CAMK2D: variants seen among roughly 807,000 people sequenced by gnomAD.
CAMK2D encodes calcium/calmodulin-dependent protein kinase type II subunit delta.
A neutral mutation model predicts 84.0 loss-of-function variants in CAMK2D; 37 were observed. That is an observed-to-expected ratio of 0.44 (90% confidence interval 0.34 to 0.58). The LOEUF (loss-of-function observed/expected upper bound fraction) is 0.58, where lower values mean the gene tolerates loss of function less well. CAMK2D is among the 20% of genes least tolerant of loss of function. CAMK2D has a pLI of 0.02. For missense variants in CAMK2D, 448 were observed against 652.5 expected (o/e 0.69, Z 3.41); for synonymous variants, 202 against 212.5 (o/e 0.95, Z 0.43).
At chr4:113,690,458 G>A (rs1025591177) in intron 2 of CAMK2D, among the ~76,000 whole-genome samples, 3 of 152,172 alleles carry the variant, frequency 2.0e-5, no homozygotes, top group African/African-American at 4.8e-5. Flanking sequence ...GTCCCCCTGA[G>A]CAGATGTGTT....
At chr4:113,625,630 G>A (rs2099064578) in intron 3 of CAMK2D, among the ~76,000 whole-genome samples, 1 of 152,094 alleles carries the variant, frequency 6.6e-6, no homozygotes, top group South Asian at 2.1e-4. Flanking sequence ...AGTGAACAGG[G>A]GAGAAGGCAG....
At chr4:113,523,772 G>T (rs1469206028) in intron 8 of CAMK2D, among the ~76,000 whole-genome samples, 1 of 151,024 alleles carries the variant, frequency 6.6e-6, no homozygotes, top group Non-Finnish European at 1.5e-5. Flanking sequence ...ACCCTGTCTC[G>T]AAATAAATAA....
chr4:113,662,480 A>C (rs886926880), intron 2 of CAMK2D, among the ~76,000 whole-genome samples: 2 of 152,228 alleles, frequency 1.3e-5, no homozygotes, highest in African/African-American at 4.8e-5. Context: ...CAAAACACAA[A>C]ATAAATCATA....
At chr4:113,670,901 C>A (rs949791051) in intron 2 of CAMK2D, among the ~76,000 whole-genome samples, 4 of 151,946 alleles carry the variant, frequency 2.6e-5, no homozygotes, top group African/African-American at 9.7e-5. Flanking sequence ...GCACTCCAGC[C>A]TGGGCAACAG....
At chr4:113,559,761 T>C (rs2098689614) in intron 4 of CAMK2D, among the ~76,000 whole-genome samples, 1 of 152,200 alleles carries the variant, frequency 6.6e-6, no homozygotes, top group African/African-American at 2.4e-5. Flanking sequence ...ATCAGAAAAA[T>C]GAGCATTTAT....
chr4:113,625,930 C>A (rs1192062412), intron 3 of CAMK2D, among the ~76,000 whole-genome samples: 1 of 151,872 alleles, frequency 6.6e-6, no homozygotes, highest in Non-Finnish European at 1.5e-5. Context: ...GGGAGAATCG[C>A]TTGAACCCAG....
At chr4:113,716,085 C>T (rs183681091) in intron 2 of CAMK2D, among the ~76,000 whole-genome samples, 5 of 152,252 alleles carry the variant, frequency 3.3e-5, no homozygotes, top group Admixed American at 2.6e-4. Flanking sequence ...CAGTCATTTG[C>T]TCACAGTAGT....
intron 2 of CAMK2D, among the ~76,000 whole-genome samples, chr4:113,745,034 T>C (rs893264786): frequency 2.6e-5 from 4 of 152,182 alleles, no homozygotes; most frequent in African/African-American, 7.2e-5. Flanking sequence ...GCCACATCTG[T>C]TATTATCTTA....
chr4:113,469,933 G>A (rs1020929976), intron 16 of CAMK2D, among the ~76,000 whole-genome samples: 22 of 152,094 alleles, frequency 1.4e-4, no homozygotes, highest in Non-Finnish European at 1.5e-5. Flanking sequence ...TCCAGGCTCT[G>A]TAACAGCCCT....
chr4:113,653,643 GATCA>G (rs1291416066), intron 3 of CAMK2D, among the ~76,000 whole-genome samples: 1 of 151,968 alleles, frequency 6.6e-6, no homozygotes, highest in African/African-American at 2.4e-5. Context: ...TTTCTCAGTA[GATCA>G]ATTAACATTT....
chr4:113,565,627 G>A (rs796615134), intron 4 of CAMK2D, among the ~76,000 whole-genome samples: 3 of 150,656 alleles, frequency 2.0e-5, no homozygotes, highest in African/African-American at 7.3e-5. Context: ...CTCCAGCCTG[G>A]GAGACACAGT....
At chr4:113,500,062 T>A (rs1316081171) in intron 16 of CAMK2D, among the ~76,000 whole-genome samples, 1 of 152,164 alleles carries the variant, frequency 6.6e-6, no homozygotes, top group African/African-American at 2.4e-5. Context: ...AAAAAGTTAT[T>A]TTTATACTGT....
At chr4:113,735,505 C>T (rs1419958755) in intron 2 of CAMK2D, among the ~76,000 whole-genome samples, 2 of 151,604 alleles carry the variant, frequency 1.3e-5, no homozygotes, top group South Asian at 4.2e-4. Context: ...ACAATTTGTA[C>T]AATACACAAC....
chr4:113,715,984 G>T (rs1387427213), intron 2 of CAMK2D, among the ~76,000 whole-genome samples: 1 of 151,834 alleles, frequency 6.6e-6, no homozygotes, highest in East Asian at 1.9e-4. Context: ...ACCGGAGACT[G>T]AAGTCACTGA....
At chr4:113,466,126 C>T (rs1212225801) in intron 16 of CAMK2D, among the ~76,000 whole-genome samples, 1 of 151,788 alleles carries the variant, frequency 6.6e-6, no homozygotes, top group African/African-American at 2.4e-5. Context: ...CTTGGTGGCG[C>T]ATGCCTATAA....
chr4:113,640,592 TAG>T (rs1444450855), intron 3 of CAMK2D, among the ~76,000 whole-genome samples: 1 of 152,136 alleles, frequency 6.6e-6, no homozygotes, highest in Admixed American at 6.5e-5. Flanking sequence ...CATTCAACTA[TAG>T]AGAGACATCA....
At chr4:113,699,513 C>T (rs953752646) in intron 2 of CAMK2D, among the ~76,000 whole-genome samples, 6 of 152,086 alleles carry the variant, frequency 3.9e-5, no homozygotes, top group Non-Finnish European at 7.4e-5. Context: ...TACTCTCTTC[C>T]ACTCTGCCCC....
chr4:113,746,274 G>A (rs1354746435), intron 2 of CAMK2D, among the ~76,000 whole-genome samples: 1 of 152,038 alleles, frequency 6.6e-6, no homozygotes, highest in Non-Finnish European at 1.5e-5. Context: ...ATTTGGTTTG[G>A]ATTATTTCAA....
At position 113,542,756 on chromosome 4, in the gene CAMK2D, C is replaced by G. The variant is rs116082776; in HGVS notation, c.414+4888G>C. On this transcript the variant is annotated intron_variant, in intron 6 of 20. Coordinates refer to ENST00000511664, the MANE Select transcript of CAMK2D (RefSeq NM_001321571.2). Reference sequence around the variant, plus strand: ...TTTACTAAGTACTTCTCATCTCCCCCCTTCCCTGAAAACTAATTCCTTTCT... The same window carrying G: ...TTTACTAAGTACTTCTCATCTCCCCGCTTCCCTGAAAACTAATTCCTTTCT... Among the ~76,000 whole-genome samples, 635 of 152,248 alleles carry G rather than the reference C, an allele frequency of 4.2e-3. 7 individuals are homozygous for G. The highest frequency in any genetic ancestry group is 0.014 in the African/African-American group (601 of 41,568).
Sources: allele counts gnomAD v4.1 joint callset (sites outside exome capture counted in the v4.1 genomes callset), GRCh38; gene constraint gnomAD v4.1.1; transcripts MANE v1.5; gene names NCBI Gene and HGNC (gene_info 2026-07-23, HGNC 2026-07-21).